NFIC: variants seen among roughly 807,000 people sequenced by gnomAD.
The protein encoded by NFIC is nuclear factor 1 C-type.
NFIC carries 12 observed loss-of-function variants against 54.4 expected under a neutral mutation model. The ratio of observed to expected loss-of-function variants is 0.22; its 90% CI spans 0.14 to 0.36. The LOEUF (loss-of-function observed/expected upper bound fraction) is 0.36. NFIC is among the 10% of genes least tolerant of loss of function. NFIC has a pLI of 1.00. For synonymous variants in NFIC, 322 were observed against 319.2 expected (o/e 1.01, Z -0.09); for missense variants, 575 against 718.2 (o/e 0.80, Z 2.28).
chr19:3,401,541 C>T (rs1568423199), intron 2 of NFIC, among the ~76,000 whole-genome samples: 1 of 152,192 alleles, frequency 6.6e-6, no homozygotes, highest in African/African-American at 2.4e-5. Context: ...TGCCTGGGCA[C>T]ATGCAGGGAA....
intron 2 of NFIC, among the ~76,000 whole-genome samples, chr19:3,399,873 AAAAT>A (rs544534868): frequency 1.3e-3 from 205 of 152,262 alleles, no homozygotes; most frequent in Middle Eastern, 6.8e-3. Flanking sequence ...TCCATCTCAA[AAAAT>A]AAATAAGTAA....
chr19:3,430,744 C>A (rs924985004), intron 3 of NFIC, among the ~76,000 whole-genome samples: 1 of 151,808 alleles, frequency 6.6e-6, no homozygotes, highest in Non-Finnish European at 1.5e-5. Context: ...CCAGCCGGAC[C>A]AAGATGGTGA....
chr19:3,367,345 ATCGAT>A (rs1464614383), intron 1 of NFIC, among the ~76,000 whole-genome samples: 2 of 151,972 alleles, frequency 1.3e-5, no homozygotes, highest in Admixed American at 6.5e-5. Context: ...TTTTCGCTGC[ATCGAT>A]TCTGGATTCT....
At chr19:3,359,780 G>A in intron 1 of NFIC, 1 of 1,275,516 alleles carries the variant, frequency 7.8e-7, no homozygotes, top group South Asian at 2.0e-5. Context: ...GGGGACAGGG[G>A]GCGGGGGCCG....
At chr19:3,411,521 T>C (rs746342884) in intron 2 of NFIC, among the ~76,000 whole-genome samples, 1 of 151,818 alleles carries the variant, frequency 6.6e-6, no homozygotes, top group Non-Finnish European at 1.5e-5. Context: ...AGAGACCAGG[T>C]TTCACCGTGT....
At chr19:3,433,044 G>A (rs1002904621) in intron 3 of NFIC, among the ~76,000 whole-genome samples, 8 of 151,512 alleles carry the variant, frequency 5.3e-5, no homozygotes, top group South Asian at 2.1e-4. Flanking sequence ...GGTTCATTGC[G>A]GCCTCCACCT....
chr19:3,437,997 T>G (rs1038556940), intron 6 of NFIC, among the ~76,000 whole-genome samples: 3 of 152,024 alleles, frequency 2.0e-5, no homozygotes, highest in Admixed American at 6.6e-5. Flanking sequence ...CACCCAGCCG[T>G]GACTTCTCAT....
rs1019366262 is a variant in NFIC at position 3,452,868 on chromosome 19, C to G, written c.1269+202C>G. Among the ~76,000 whole-genome samples, 5 of 152,218 alleles carry G rather than the reference C, an allele frequency of 3.3e-5. No individual in the cohort carries two copies. The highest frequency in any genetic ancestry group is 1.3e-4 in the Admixed American group (2 of 15,282). On this transcript the variant is annotated intron_variant, in intron 8 of 10. Transcript: ENST00000443272. The surrounding 1 kb of genome is among the most constrained non-coding windows in gnomAD (Gnocchi z 5.3). The stretch of plus-strand genomic sequence containing the variant: ...TCGGATGTCAGGGTTTCGGGCGCAT[C>G]ATGTCGCACCCTGTGGGGTCTGGGT...
In NFIC at chr19:3,381,570, C is replaced by T. The variant is rs867756911; in HGVS notation, c.31-142C>T. On this transcript the variant is annotated intron_variant, in intron 1 of 10. Transcript: ENST00000443272. ...TCCGGCGGCGTGCACGGGTCCGCAG[C>T]GACCCCCTGCCCACCTCTGCCCAGC... 7.8e-6 allele frequency: 10 copies of T among 1,285,336 alleles called. No homozygotes were observed. The Middle Eastern group carries it at 6.0e-4, about 77-fold the overall frequency. The allele number at this position is 1,285,336 out of a possible 1,614,324, so 79.6% of individuals were successfully genotyped here.
chr19:3,366,650 C>T lies in NFIC; in HGVS notation c.14C>T (p.Pro5Leu), dbSNP rs754577379. MYSS[P>L]LCLTQDEFHP... ...GCCGCGCCCGGGATGTATTCGTCCC[C>T]GCTCTGCCTCACCCAGGTACGGTCC... Residue 5 changes from proline (P) to leucine (L), a missense_variant, in exon 1 of 11, where the codon CCG (proline) becomes CTG (leucine). Pro to Leu is a moderately conservative substitution (Grantham distance 98). Coordinates refer to ENST00000443272, the MANE Select transcript of NFIC (RefSeq NM_001245002.2). The T allele has an allele frequency of 1.6e-5, 24 of 1,490,472 alleles. No individual in the cohort carries two copies. Among genetic ancestry groups the T allele is most frequent in the Admixed American group, 5.4e-5 (2 of 36,856 alleles). 92.3% of individuals were successfully genotyped at this position (1,490,472 alleles called of 1,614,324 possible). A position where few individuals can be genotyped will look rare whatever the true frequency, so the allele number is the denominator to read the frequency against.
chr19:3,452,533 C>G lies in NFIC; in HGVS notation c.1136C>G (p.Ser379Cys). The G allele has an allele frequency of 6.2e-7, 1 of 1,613,580 alleles. No individual in the cohort carries two copies. Among genetic ancestry groups the G allele is most frequent in the East Asian group, 2.2e-5 (1 of 44,878 alleles). Residue 379 changes from serine (S) to cysteine (C), a missense_variant, in exon 8 of 11, where the codon TCC (serine) becomes TGC (cysteine). Ser to Cys is a moderately radical substitution (Grantham distance 112). Transcript: ENST00000443272. This position sits in a 1 kb window ranked among gnomAD's most constrained non-coding sequence, Gnocchi z 5.3. ...PSSALHFPTTSILPQTASTYF... is the reference protein window; with the variant it reads ...PSSALHFPTTCILPQTASTYF... ...TCCGCTCTGCATTTCCCTACGACGT[C>G]CATCCTACCCCAGACGGCCTCCACC...
intron 1 of NFIC, among the ~76,000 whole-genome samples, chr19:3,367,561 G>T (rs923874437): frequency 6.6e-6 from 1 of 152,226 alleles, no homozygotes; most frequent in African/African-American, 2.4e-5. Context: ...TGCAATGGCC[G>T]AGGGGGTGTG....
At chr19:3,404,002 C>CT (rs1315394240) in intron 2 of NFIC, among the ~76,000 whole-genome samples, 1 of 152,082 alleles carries the variant, frequency 6.6e-6, no homozygotes, top group Non-Finnish European at 1.5e-5. Flanking sequence ...CCGGGGCTCC[C>CT]TTCTCCACCC....
At chr19:3,379,799 C>T (rs1387770042) in intron 1 of NFIC, among the ~76,000 whole-genome samples, 1 of 147,134 alleles carries the variant, frequency 6.8e-6, no homozygotes, top group Admixed American at 7.0e-5. Flanking sequence ...AATTGATCTT[C>T]CCACCTCAGC....
chr19:3,372,635 G>T (rs1193446973), intron 1 of NFIC, among the ~76,000 whole-genome samples: 1 of 151,736 alleles, frequency 6.6e-6, no homozygotes, highest in Non-Finnish European at 1.5e-5. Context: ...GGGACTCGGA[G>T]AGTGTGCACG....
intron 2 of NFIC, among the ~76,000 whole-genome samples, chr19:3,412,609 A>G (rs11670516): frequency 1.3e-5 from 2 of 152,016 alleles, no homozygotes; most frequent in South Asian, 2.1e-4. Flanking sequence ...GTGCATCCAC[A>G]TCCCTCTCTG....
At chr19:3,400,479 A>T (rs1007522559) in intron 2 of NFIC, among the ~76,000 whole-genome samples, 2 of 149,014 alleles carry the variant, frequency 1.3e-5, no homozygotes, top group African/African-American at 4.9e-5. Context: ...TCTGTCTCAG[A>T]AAAAAAAAAA....
intron 6 of NFIC, among the ~76,000 whole-genome samples, chr19:3,444,782 C>T (rs2082347705): frequency 6.6e-6 from 1 of 152,188 alleles, no homozygotes; most frequent in Non-Finnish European, 1.5e-5. Flanking sequence ...CCTGCGCTTG[C>T]AGGGAGCTGC....
chr19:3,374,875 G>A (rs2145448902), intron 1 of NFIC, among the ~76,000 whole-genome samples: 1 of 152,260 alleles, frequency 6.6e-6, no homozygotes, highest in Middle Eastern at 3.4e-3. Flanking sequence ...GACAAGGGAG[G>A]ATGGGGCAGC....
Sources: gnomAD v4.1 joint callset for allele counts (sites outside exome capture counted in the v4.1 genomes callset) on GRCh38, gnomAD v4.1.1 for gene constraint, Gnocchi (gnomAD v3.1) non-coding constraint, MANE v1.5 for transcripts, NCBI Gene and HGNC (gene_info 2026-07-23, HGNC 2026-07-21) for gene names.